MCTP1: variants seen among roughly 807,000 people sequenced by gnomAD.
The protein encoded by MCTP1 is multiple C2 and transmembrane domain containing 1.
A neutral mutation model predicts 120.6 loss-of-function variants in MCTP1; 69 were observed. That is an observed-to-expected ratio of 0.57 (90% CI 0.47 to 0.70). The LOEUF (loss-of-function observed/expected upper bound fraction) is 0.70, where lower values mean the gene tolerates loss of function less well. Ranked by LOEUF, MCTP1 falls within the 30% of genes least tolerant of loss-of-function variation. The probability of loss-of-function intolerance (pLI) is 0.00; values close to 1 mark genes in which losing one functional copy is unlikely to be tolerated. For missense variants in MCTP1, 1,203 were observed against 1,248.8 expected (o/e 0.96, Z 0.55); for synonymous variants, 529 against 493.1 (o/e 1.07, Z -0.96).
chr5:95,028,311 G>A (rs970019645), intron 1 of MCTP1, among the ~76,000 whole-genome samples: 1 of 152,026 alleles, frequency 6.6e-6, no homozygotes, highest in African/African-American at 2.4e-5. Context: ...AGCAGAAAAG[G>A]CCAATCCTCT....
chr5:94,965,817 T>C (rs1304717003), intron 2 of MCTP1, among the ~76,000 whole-genome samples: 3 of 152,178 alleles, frequency 2.0e-5, no homozygotes, highest in Non-Finnish European at 4.4e-5. Flanking sequence ...TAATACCTTA[T>C]AAAAGGATTT....
intron 1 of MCTP1, among the ~76,000 whole-genome samples, chr5:95,174,118 T>G (rs1405358289): frequency 6.6e-6 from 1 of 152,128 alleles, no homozygotes; most frequent in Admixed American, 6.5e-5. Flanking sequence ...TAGCACAGAA[T>G]TACAATGCCT....
chr5:95,063,515 G>A (rs1395308355), intron 1 of MCTP1, among the ~76,000 whole-genome samples: 2 of 152,220 alleles, frequency 1.3e-5, no homozygotes, highest in East Asian at 3.8e-4. Flanking sequence ...TACTTTTTGA[G>A]ATAGCTCACA....
intron 1 of MCTP1, among the ~76,000 whole-genome samples, chr5:95,188,535 C>A (rs1749479727): frequency 6.6e-6 from 1 of 152,184 alleles, no homozygotes. Flanking sequence ...TTGATATACA[C>A]ACAGCTTAGA....
chr5:94,931,479 T>C (rs1029533267), intron 6 of MCTP1: 1 of 152,650 alleles, frequency 6.6e-6, no homozygotes, highest in African/African-American at 2.4e-5. Context: ...ACTTTATTTC[T>C]TAAAGTGAGA....
chr5:94,984,348 A>G (rs1172986064), intron 2 of MCTP1, among the ~76,000 whole-genome samples: 1 of 152,176 alleles, frequency 6.6e-6, no homozygotes. Flanking sequence ...AAAACAAAGG[A>G]GTATTTAAGG....
intron 1 of MCTP1, among the ~76,000 whole-genome samples, chr5:95,225,216 A>G (rs1388506201): frequency 3.3e-5 from 5 of 152,350 alleles, no homozygotes; most frequent in African/African-American, 9.6e-5. Flanking sequence ...CCTACTATTA[A>G]TAATACCTGA....
chr5:95,101,082 A>G (rs1252507108), intron 1 of MCTP1, among the ~76,000 whole-genome samples: 1 of 150,938 alleles, frequency 6.6e-6, no homozygotes, highest in Non-Finnish European at 1.5e-5. Flanking sequence ...CTCTAATTAG[A>G]AAGAAAGTAA....
At chr5:95,153,202 G>A (rs1006894268) in intron 1 of MCTP1, among the ~76,000 whole-genome samples, 11 of 152,040 alleles carry the variant, frequency 7.2e-5, no homozygotes, top group East Asian at 3.9e-4. Context: ...GAGTTCTCAC[G>A]AGATCTGATG....
At chr5:95,128,687 G>C (rs1176338149) in intron 1 of MCTP1, among the ~76,000 whole-genome samples, 2 of 152,210 alleles carry the variant, frequency 1.3e-5, no homozygotes, top group African/African-American at 4.8e-5. Flanking sequence ...AGGATGGAGA[G>C]ACTAGGGAGT....
chr5:95,202,147 C>T (rs1171757576), intron 1 of MCTP1, among the ~76,000 whole-genome samples: 1 of 152,078 alleles, frequency 6.6e-6, no homozygotes, highest in Non-Finnish European at 1.5e-5. Context: ...GCAGCTGGCT[C>T]GGGGCTCAGG....
intron 1 of MCTP1, among the ~76,000 whole-genome samples, chr5:95,042,401 G>A (rs745480290): frequency 1.3e-5 from 2 of 152,126 alleles, no homozygotes; most frequent in Admixed American, 6.6e-5. Flanking sequence ...GATGCAGAAA[G>A]TTATTGTCTT....
At chr5:95,070,706 G>C (rs1192745741) in intron 1 of MCTP1, among the ~76,000 whole-genome samples, 2 of 152,158 alleles carry the variant, frequency 1.3e-5, no homozygotes, top group Non-Finnish European at 2.9e-5. Flanking sequence ...TGTGAGACTG[G>C]GGCAGACTGT....
chr5:95,251,683 C>T lies in MCTP1; in HGVS notation c.720+32173G>A, dbSNP rs114017146. Among the ~76,000 whole-genome samples the T allele has an allele frequency of 3.7e-3, 564 of 152,066 alleles. 6 individuals are homozygous for T. Among genetic ancestry groups the T allele is most frequent in the South Asian group, 0.021 (102 of 4,806 alleles). Reference sequence around the variant, plus strand: ...AGAAGGAACCAGAATTTAAAACAAGCAAAATTTCTCTTATAGTAATAATAA... The same window carrying T: ...AGAAGGAACCAGAATTTAAAACAAGTAAAATTTCTCTTATAGTAATAATAA... On this transcript the variant is annotated intron_variant, in intron 1 of 22. Transcript: ENST00000515393.
At chr5:95,167,660 T>G (rs568918929) in intron 1 of MCTP1, among the ~76,000 whole-genome samples, 1 of 152,356 alleles carries the variant, frequency 6.6e-6, no homozygotes, top group South Asian at 2.1e-4. Flanking sequence ...TGATGGCCAG[T>G]GATGATGAGC....
intron 1 of MCTP1, among the ~76,000 whole-genome samples, chr5:95,110,691 AC>A (rs1300354288): frequency 1.3e-5 from 2 of 152,156 alleles, no homozygotes; most frequent in African/African-American, 2.4e-5. Flanking sequence ...CATCGAGTAT[AC>A]CAATTTTACT....
chr5:94,968,571 T>G (rs1241497135), intron 2 of MCTP1, among the ~76,000 whole-genome samples: 3 of 152,254 alleles, frequency 2.0e-5, no homozygotes, highest in Admixed American at 2.0e-4. Context: ...GGTATGTGGT[T>G]AATCTTCAAT....
chr5:95,208,356 G>C (rs1020954668), intron 1 of MCTP1, among the ~76,000 whole-genome samples: 3 of 152,100 alleles, frequency 2.0e-5, no homozygotes. Flanking sequence ...CACCCAAAGA[G>C]CTGGGATTAC....
intron 1 of MCTP1, among the ~76,000 whole-genome samples, chr5:95,202,988 C>A (rs1751241083): frequency 2.0e-5 from 3 of 152,170 alleles, no homozygotes. Context: ...CTCAGGCTCC[C>A]AAAGTGCTGG....
Sources: allele counts gnomAD v4.1 joint callset (sites outside exome capture counted in the v4.1 genomes callset), GRCh38; gene constraint gnomAD v4.1.1; transcripts MANE v1.5; gene names NCBI Gene and HGNC (gene_info 2026-07-23, HGNC 2026-07-21).